Variants in ZNF585A observed in about 807,000 individuals in gnomAD.
The protein encoded by ZNF585A is zinc finger protein 585A.
ZNF585A carries 9 observed loss-of-function variants against 14.9 expected under a neutral mutation model. The observed-to-expected ratio is 0.60, with a 90% CI of 0.36 to 1.05. The LOEUF (loss-of-function observed/expected upper bound fraction) is 1.05. Among genes scored for constraint, ZNF585A ranks in the 50% least tolerant of loss-of-function variants. The pLI, the probability that ZNF585A is intolerant of heterozygous loss-of-function variation, is 0.01. For missense variants in ZNF585A, 726 were observed against 926.4 expected, an observed-to-expected ratio of 0.78 and a Z score of 2.81; for synonymous variants, 276 against 319.9, an observed-to-expected ratio of 0.86 and a Z score of 1.46.
In ZNF585A at chr19:37,153,245, C is replaced by T. The variant is rs1195323303; in HGVS notation, c.654G>A (p.Gln218=). The T allele has an allele frequency of 1.8e-5, 29 of 1,614,164 alleles. No individual in the cohort carries two copies. Among genetic ancestry groups the T allele is most frequent in the African/African-American group, 4.0e-5 (3 of 75,052 alleles). The change falls in exon 5 of 5, where the codon CAG becomes CAA. Residue 218 remains glutamine, a synonymous_variant. Coordinates refer to ENST00000292841, the MANE Select transcript of ZNF585A (RefSeq NM_001288800.2). ...AGTTATAAGAGAAGCCTTTCCCACA[C>T]TGGCTGCATTCATAGAGTTTCTCTC... ...HTGEKLYECS[Q]CGKGFSYNSD... is the part of the protein sequence containing the mutation.
At chr19:37,163,870 A>G (rs1348899561) in intron 2 of ZNF585A, among the ~76,000 whole-genome samples, 1 of 152,116 alleles carries the variant, frequency 6.6e-6, no homozygotes, top group Non-Finnish European at 1.5e-5. Context: ...CATCAGAAGC[A>G]TAACATAAAA....
rs150894064 is a variant in ZNF585A at position 37,169,098 on chromosome 19, C to T, written c.72+741G>A. 6.3e-3 allele frequency among the ~76,000 whole-genome samples: 951 copies of T among 152,054 alleles called. 28 individuals are homozygous for T. The highest frequency in any genetic ancestry group is 0.052 in the East Asian group (270 of 5,182). On this transcript the variant is annotated intron_variant, in intron 2 of 4. Transcript: ENST00000292841. ...TAATTTTTATTTTTTACTATTATTC[C>T]CATTTTACCAATATTATTTTTGAAC...
rs753032411 is a variant in ZNF585A at position 37,151,687 on chromosome 19, T to C, written c.2212A>G (p.Thr738Ala). The C allele has an allele frequency of 6.2e-7, 1 of 1,614,176 alleles. No homozygotes were observed. Among genetic ancestry groups the C allele is most frequent in the Non-Finnish European group, 8.5e-7 (1 of 1,180,042 alleles). ...TAGGGTTTGTCTCCAGTGTGTGTTGTCTGATGTTTATTCAAATTGGACCTG... is the reference window on the plus strand; with the variant it reads ...TAGGGTTTGTCTCCAGTGTGTGTTGCCTGATGTTTATTCAAATTGGACCTG... ...TDRSNLNKHQ[T>A]THTGDKPYKC... Residue 738 changes from threonine (T) to alanine (A), a missense_variant, in exon 5 of 5, where the codon ACA becomes GCA. Thr to Ala is a moderately conservative substitution (Grantham distance 58, BLOSUM62 0). Around this residue, in one of 2 missense-constraint regions of ZNF585A, gnomAD observed 243 missense variants for 383.6 expected, o/e 0.63. Transcript: ENST00000292841.
At chr19:37,165,558 C>A in intron 2 of ZNF585A, 2 of 798,306 alleles carry the variant, frequency 2.5e-6, no homozygotes, top group Non-Finnish European at 3.0e-6. Flanking sequence ...TTGCTGAGAA[C>A]ATAGCAGTTG....
rs1319366966 is a variant in ZNF585A at position 37,147,214 on chromosome 19, G to A, written c.*4375C>T. The A allele has an allele frequency of 6.6e-6, 1 of 152,184 alleles. No individual in the cohort carries two copies. Among genetic ancestry groups the A allele is most frequent in the African/African-American group, 2.4e-5 (1 of 41,396 alleles). 9.4% of individuals were successfully genotyped at this position (152,184 alleles called of 1,614,324 possible). On this transcript the variant is annotated 3_prime_UTR_variant, in exon 5 of 5. Coordinates refer to ENST00000292841, the MANE Select transcript of ZNF585A (RefSeq NM_001288800.2). Reference sequence around the variant, plus strand: ...CAATGCAAATATCATACAAAATAAGGGAGCAGCAAGTGAGCTCTACAGATG... The same window carrying A: ...CAATGCAAATATCATACAAAATAAGAGAGCAGCAAGTGAGCTCTACAGATG...
At chr19:37,167,582 CTTTTTA>C (rs1388022507) in intron 2 of ZNF585A, among the ~76,000 whole-genome samples, 1 of 145,676 alleles carries the variant, frequency 6.9e-6, no homozygotes, top group Non-Finnish European at 1.5e-5. Flanking sequence ...GAGCCTTTTA[CTTTTTA>C]TTTTTATTTT....
Position 37,152,715 on chromosome 19 carries a change from G to A in ZNF585A, c.1184C>T (p.Ser395Leu), listed in dbSNP as rs1192120228. Residue 395 changes from serine to leucine, a missense_variant, in exon 5 of 5, where the codon TCA becomes TTA. Physicochemically the swap from Ser to Leu is moderately radical, Grantham distance 145. Around this residue, in one of 2 missense-constraint regions of ZNF585A, gnomAD observed 483 missense variants for 542.8 expected, o/e 0.89. Transcript: ENST00000292841. ...AATTCTCTGATGCACTGTGAGTGCT[G>A]ACTTCTGAGTGAAGGCTTTCCCACA... ...SDCGKAFTQK[S>L]ALTVHQRIHT... The A allele has an allele frequency of 6.2e-7, 1 of 1,614,044 alleles. No homozygotes were observed. The highest frequency in any genetic ancestry group is 8.5e-7 in the Non-Finnish European group (1 of 1,180,028).
At chr19:37,167,676 C>A (rs1315409590) in intron 2 of ZNF585A, among the ~76,000 whole-genome samples, 10 of 151,488 alleles carry the variant, frequency 6.6e-5, no homozygotes. Context: ...GCCTGGAGTA[C>A]AATGGCACGA....
In ZNF585A at chr19:37,151,587, T is replaced by A; in HGVS notation, c.*2A>T. 1.2e-6 allele frequency: 2 copies of A among 1,608,304 alleles called. No individual in the cohort carries two copies. Among genetic ancestry groups the A allele is most frequent in the Non-Finnish European group, 1.7e-6 (2 of 1,176,366 alleles). On this transcript the variant is annotated 3_prime_UTR_variant, in exon 5 of 5. Coordinates refer to ENST00000292841, the MANE Select transcript of ZNF585A (RefSeq NM_001288800.2). ...CAGGGGGGTTTTCTCACACTGTTTC[T>A]CTCAAGCGTGGCTGCTCTGATGGAC... is the stretch of plus-strand genomic sequence containing the variant.
At chr19:37,161,817 T>A (rs553880157) in intron 2 of ZNF585A, among the ~76,000 whole-genome samples, 3 of 152,210 alleles carry the variant, frequency 2.0e-5, no homozygotes, top group South Asian at 2.1e-4. Flanking sequence ...AAAAAAGTCA[T>A]GTATGAGCAG....
Position 37,151,936 on chromosome 19 carries a change from T to A in ZNF585A, c.1963A>T (p.Thr655Ser), listed in dbSNP as rs763058416. ...ATGTAGGGCTTTTCTCCGGTATGAGTTTTCTGGTGCTTACTGAGATTTGAC... is the reference window on the plus strand; with the variant it reads ...ATGTAGGGCTTTTCTCCGGTATGAGATTTCTGGTGCTTACTGAGATTTGAC... ...GRSNLSKHQKTHTGEKPYICS... is the reference protein window; with the variant it reads ...GRSNLSKHQKSHTGEKPYICS... The change falls in exon 5 of 5, where the codon ACT becomes TCT. Residue 655 changes from threonine (T) to serine (S), a missense_variant. Transcript: ENST00000292841. The A allele has an allele frequency of 6.2e-7, 1 of 1,613,518 alleles. No individual in the cohort carries two copies. Among genetic ancestry groups the A allele is most frequent in the Non-Finnish European group, 8.5e-7 (1 of 1,179,896 alleles).
chr19:37,158,757 G>C (rs1971968453), intron 2 of ZNF585A, among the ~76,000 whole-genome samples: 1 of 152,116 alleles, frequency 6.6e-6, no homozygotes, highest in Non-Finnish European at 1.5e-5. Context: ...CAAATGGTGG[G>C]TATTAGATGA....
chr19:37,151,410 G>A lies in ZNF585A; in HGVS notation c.*179C>T, dbSNP rs1971826405. 4 of 556,834 alleles carry A rather than the reference G, an allele frequency of 7.2e-6. No individual in the cohort carries two copies. The highest frequency in any genetic ancestry group is 3.2e-5 in the Admixed American group (1 of 30,900). 34.5% of individuals were successfully genotyped at this position (556,834 alleles called of 1,614,324 possible). A position where few individuals can be genotyped will look rare whatever the true frequency, so the allele number is the denominator to read the frequency against. On this transcript the variant is annotated 3_prime_UTR_variant, in exon 5 of 5. Transcript: ENST00000292841. ...AAGGTTTACTGGGGATGGTGACAAT[G>A]TAGGAAGGGTCCCTCGCCTCATTCA...
chr19:37,158,915 T>A (rs1008558731), intron 2 of ZNF585A, among the ~76,000 whole-genome samples: 4 of 152,092 alleles, frequency 2.6e-5, no homozygotes, highest in African/African-American at 9.7e-5. Flanking sequence ...TTTAAAATAA[T>A]CTAGCTGCTG....
At chr19:37,170,213 GT>G (rs2145419228) in intron 1 of ZNF585A, among the ~76,000 whole-genome samples, 159 bp from the exon 2 acceptor site, 1 of 152,302 alleles carries the variant, frequency 6.6e-6, no homozygotes, top group South Asian at 2.1e-4. Context: ...ATGAAACACA[GT>G]TAAAAATTCT....
At chr19:37,167,363 C>T (rs1016407781) in intron 2 of ZNF585A, among the ~76,000 whole-genome samples, 4 of 151,862 alleles carry the variant, frequency 2.6e-5, no homozygotes, top group South Asian at 2.1e-4. Context: ...TTAGTAGAGA[C>T]GGAGTTTCAC....
At chr19:37,169,802 A>G (rs1485412374) in intron 2 of ZNF585A, 37 bp downstream of exon 2, 1 of 1,605,888 alleles carries the variant, frequency 6.2e-7, no homozygotes, top group Admixed American at 1.7e-5. Context: ...CTAGTCCTGG[A>G]TTGAATTCCC....
intron 2 of ZNF585A, among the ~76,000 whole-genome samples, chr19:37,163,536 A>G (rs1972042333): frequency 6.6e-6 from 1 of 151,964 alleles, no homozygotes; most frequent in African/African-American, 2.4e-5. Flanking sequence ...AGAGCAGATT[A>G]AGGCAAGTGA....
intron 2 of ZNF585A, among the ~76,000 whole-genome samples, chr19:37,164,034 T>G (rs1353547797): frequency 6.6e-6 from 1 of 152,098 alleles, no homozygotes; most frequent in African/African-American, 2.4e-5. Flanking sequence ...GGAAAAAATA[T>G]TAAACAAGGA....
Sources: gnomAD v4.1 joint callset for allele counts (sites outside exome capture counted in the v4.1 genomes callset) on GRCh38, gnomAD v4.1.1 for gene constraint, gnomAD v4.1.1 regional missense constraint, MANE v1.5 for transcripts, NCBI Gene and HGNC (gene_info 2026-07-23, HGNC 2026-07-21) for gene names.